DAB1: variants seen among roughly 807,000 people sequenced by gnomAD.
DAB1 encodes DAB adaptor protein 1.
DAB1 carries 15 observed loss-of-function variants against 64.6 expected under a neutral mutation model. The ratio of observed to expected loss-of-function variants is 0.23; its 90% CI spans 0.16 to 0.36. The LOEUF (loss-of-function observed/expected upper bound fraction) is 0.36, where lower values mean the gene tolerates loss of function less well. Among genes scored for constraint, DAB1 ranks in the 10% least tolerant of loss-of-function variants. DAB1 has a pLI of 1.00. For missense variants in DAB1, 596 were observed against 706.7 expected (o/e 0.84, Z 1.78); for synonymous variants, 235 against 251.9 (o/e 0.93, Z 0.64).
At chr1:58,454,496 C>G (rs1333487787) in intron 3 of DAB1, among the ~76,000 whole-genome samples, 1 of 152,106 alleles carries the variant, frequency 6.6e-6, no homozygotes, top group Non-Finnish European at 1.5e-5. Context: ...GCCACAGCAA[C>G]ACAGAAAAGC....
intron 6 of DAB1, among the ~76,000 whole-genome samples, chr1:57,738,397 C>T (rs1018427380): frequency 2.0e-5 from 3 of 152,152 alleles, no homozygotes; most frequent in East Asian, 3.9e-4. Context: ...GATGTGACAG[C>T]ACTTTGTAAC....
At chr1:58,352,982 G>C (rs530192300) in intron 3 of DAB1, among the ~76,000 whole-genome samples, 5 of 152,140 alleles carry the variant, frequency 3.3e-5, no homozygotes, top group African/African-American at 1.2e-4. Context: ...AACTTTTGTT[G>C]TTTATAAGCC....
intron 7 of DAB1, among the ~76,000 whole-genome samples, chr1:57,566,475 A>G (rs1028653927): frequency 1.1e-4 from 16 of 152,324 alleles, no homozygotes; most frequent in South Asian, 4.1e-4. Context: ...CAAAAAATCA[A>G]TGAATCCAGG....
chr1:58,404,832 G>A (rs1357535499), intron 3 of DAB1, among the ~76,000 whole-genome samples: 1 of 152,176 alleles, frequency 6.6e-6, no homozygotes, highest in Non-Finnish European at 1.5e-5. Flanking sequence ...AAACAGTCAT[G>A]TCCAGGGAGG....
At chr1:58,496,021 C>A (rs72672209) in intron 3 of DAB1, among the ~76,000 whole-genome samples, 7,354 of 152,216 alleles carry the variant, frequency 0.048, 225 homozygotes, top group African/African-American at 0.063. Context: ...CTCCTAAAAA[C>A]CCATCTTGAG....
chr1:58,163,249 A>T (rs1336712622), intron 4 of DAB1, among the ~76,000 whole-genome samples: 2 of 152,208 alleles, frequency 1.3e-5, no homozygotes, highest in African/African-American at 2.4e-5. Context: ...GTTGTAACTA[A>T]GTGCCAATAA....
At chr1:58,467,428 C>G (rs1453701717) in intron 3 of DAB1, among the ~76,000 whole-genome samples, 2 of 152,232 alleles carry the variant, frequency 1.3e-5, no homozygotes, top group African/African-American at 4.8e-5. Context: ...CCCGTTTTCT[C>G]TTCTCCTGAT....
In DAB1 at chr1:58,057,942, C is replaced by A. The variant is rs1351905265; in HGVS notation, n.387+92569G>T. ...CCATTGTGCTACCTTATCTTGAGACCTTCCCTGACCATCCAAGTCTAGCTT... is the reference window on the plus strand; with the variant it reads ...CCATTGTGCTACCTTATCTTGAGACATTCCCTGACCATCCAAGTCTAGCTT... On this transcript the variant is annotated intron_variant and non_coding_transcript_variant, in intron 5 of 20. Transcript: ENST00000485760. 2.0e-5 allele frequency among the ~76,000 whole-genome samples: 3 copies of A among 151,518 alleles called. No individual in the cohort carries two copies. The East Asian group carries it at 5.9e-4, about 30-fold the overall frequency.
At chr1:57,134,066 T>G (rs1657861951) in intron 4 of DAB1, among the ~76,000 whole-genome samples, 1 of 152,314 alleles carries the variant, frequency 6.6e-6, no homozygotes, top group African/African-American at 2.4e-5. Flanking sequence ...ATCCTCTACT[T>G]GACTTTCTTC....
At chr1:58,503,051 T>C (rs1398627691) in intron 3 of DAB1, among the ~76,000 whole-genome samples, 3 of 152,246 alleles carry the variant, frequency 2.0e-5, no homozygotes, top group Non-Finnish European at 2.9e-5. Flanking sequence ...GCACAGTTTT[T>C]ACCTCTCCGA....
At chr1:58,473,564 AT>A (rs1557431474) in intron 3 of DAB1, among the ~76,000 whole-genome samples, 33 of 150,776 alleles carry the variant, frequency 2.2e-4, no homozygotes, top group African/African-American at 8.0e-4. Flanking sequence ...AAATAAATAA[AT>A]AAATAAATAA....
chr1:57,698,280 A>G (rs1220527053), intron 6 of DAB1, among the ~76,000 whole-genome samples: 2 of 122,636 alleles, frequency 1.6e-5, no homozygotes, highest in Non-Finnish European at 3.4e-5. Context: ...TTTTTTTTGT[A>G]GAGATGGGGG....
At chr1:58,008,945 C>T (rs1646627497) in intron 5 of DAB1, among the ~76,000 whole-genome samples, 1 of 152,130 alleles carries the variant, frequency 6.6e-6, no homozygotes, top group African/African-American at 2.4e-5. Flanking sequence ...AGACTCACTA[C>T]CATATGTATT....
intron 1 of DAB1, among the ~76,000 whole-genome samples, chr1:57,332,914 C>G (rs1570300648): frequency 6.6e-6 from 1 of 152,190 alleles, no homozygotes; most frequent in African/African-American, 2.4e-5. Context: ...CCTCAAACAT[C>G]CCACACCGTC....
chr1:57,734,080 G>T (rs1279899973), intron 6 of DAB1, among the ~76,000 whole-genome samples: 1 of 151,992 alleles, frequency 6.6e-6, no homozygotes, highest in African/African-American at 2.4e-5. Context: ...TTAGTGAAAA[G>T]AATCCTAAAT....
intron 3 of DAB1, among the ~76,000 whole-genome samples, chr1:58,494,602 G>T (rs1385128221): frequency 1.3e-5 from 2 of 152,034 alleles, no homozygotes; most frequent in African/African-American, 2.4e-5. Context: ...TCAAAAAGTG[G>T]GTGAAGGATA....
At chr1:57,590,585 C>T (rs112670673) in intron 7 of DAB1, among the ~76,000 whole-genome samples, 42 of 152,048 alleles carry the variant, frequency 2.8e-4, no homozygotes, top group African/African-American at 9.4e-4. Flanking sequence ...CACATCTTGG[C>T]CTCCCAAAGT....
intron 5 of DAB1, among the ~76,000 whole-genome samples, chr1:57,925,192 C>T (rs1644862094): frequency 6.6e-6 from 1 of 152,190 alleles, no homozygotes; most frequent in South Asian, 2.1e-4. Context: ...TATGAAGTGC[C>T]TATCACCATT....
At chr1:57,833,065 G>A (rs1652659154) in intron 1 of DAB1, among the ~76,000 whole-genome samples, 1 of 145,092 alleles carries the variant, frequency 6.9e-6, no homozygotes. Flanking sequence ...GACTGAGACT[G>A]AAAAAAAAAA....
Sources: gnomAD v4.1 joint callset for allele counts (sites outside exome capture counted in the v4.1 genomes callset) on GRCh38, gnomAD v4.1.1 for gene constraint, MANE v1.5 for transcripts, NCBI Gene and HGNC (gene_info 2026-07-23, HGNC 2026-07-21) for gene names.